MGAT4C: variants seen among roughly 807,000 people sequenced by gnomAD.
MGAT4C encodes alpha-1,3-mannosyl-glycoprotein 4-beta-N-acetylglucosaminyltransferase C.
In MGAT4C, 19 loss-of-function variants were observed where a neutral mutation model predicts 40.1. That is an observed-to-expected ratio of 0.47 (90% confidence interval 0.33 to 0.70). MGAT4C has a LOEUF of 0.70. MGAT4C is among the 30% of genes least tolerant of loss of function. MGAT4C has a pLI of 0.02. For missense variants in MGAT4C, 491 were observed against 563.2 expected, an observed-to-expected ratio of 0.87 and a Z score of 1.30; for synonymous variants, 181 against 187.1, an observed-to-expected ratio of 0.97 and a Z score of 0.27.
intron 1 of MGAT4C, among the ~76,000 whole-genome samples, chr12:86,756,083 C>T (rs561654061): frequency 6.6e-6 from 1 of 151,874 alleles, no homozygotes; most frequent in Non-Finnish European, 1.5e-5. Context: ...GTTTGGGTTG[C>T]CATAACAAAA....
At chr12:86,203,946 A>C (rs557128807) in intron 1 of MGAT4C, among the ~76,000 whole-genome samples, 1 of 148,836 alleles carries the variant, frequency 6.7e-6, no homozygotes, top group African/African-American at 2.5e-5. Flanking sequence ...AACGAGAGCG[A>C]AACTTCGTCT....
chr12:86,104,848 A>C (rs1875849994), intron 1 of MGAT4C, among the ~76,000 whole-genome samples: 1 of 114,110 alleles, frequency 8.8e-6, no homozygotes, highest in Non-Finnish European at 1.7e-5. Flanking sequence ...ATTCAAAATT[A>C]CACGGCAAAC....
chr12:86,829,261 C>T (rs767944942), intron 1 of MGAT4C, among the ~76,000 whole-genome samples: 2 of 151,322 alleles, frequency 1.3e-5, no homozygotes, highest in Non-Finnish European at 3.0e-5. Flanking sequence ...GTTACAAATA[C>T]CATGTAGTTA....
intron 1 of MGAT4C, among the ~76,000 whole-genome samples, chr12:86,068,685 G>C (rs936452050): frequency 2.0e-5 from 3 of 151,790 alleles, no homozygotes; most frequent in African/African-American, 7.3e-5. Context: ...GAAGGCTTGT[G>C]CCAATCTAAT....
chr12:86,610,047 A>C (rs552534945), intron 2 of MGAT4C, among the ~76,000 whole-genome samples: 2 of 152,290 alleles, frequency 1.3e-5, no homozygotes, highest in East Asian at 3.9e-4. Context: ...TTTGCTAAAA[A>C]TTTTTTGAAC....
At chr12:86,481,438 C>A (rs1957935644) in intron 2 of MGAT4C, among the ~76,000 whole-genome samples, 1 of 152,036 alleles carries the variant, frequency 6.6e-6, no homozygotes, top group Non-Finnish European at 1.5e-5. Flanking sequence ...GATTAAGAGA[C>A]ATAAATGTGT....
At chr12:86,838,643 G>A (rs1353068077) in intron 1 of MGAT4C, 1 of 152,160 alleles carries the variant, frequency 6.6e-6, no homozygotes, top group African/African-American at 2.4e-5. Flanking sequence ...AGAGGGTAAT[G>A]AATTGAGAAA....
At chr12:86,599,519 A>T (rs1400248176) in intron 2 of MGAT4C, 1 of 152,194 alleles carries the variant, frequency 6.6e-6, no homozygotes, top group African/African-American at 2.4e-5. Context: ...CTGCAAAACA[A>T]TAGTGCTAAG....
chr12:86,565,149 G>A (rs1244813460), intron 2 of MGAT4C, among the ~76,000 whole-genome samples: 2 of 152,128 alleles, frequency 1.3e-5, no homozygotes, highest in Admixed American at 6.5e-5. Context: ...CATTAAGTGG[G>A]TGCTTTCTGT....
intron 1 of MGAT4C, among the ~76,000 whole-genome samples, chr12:86,798,130 A>G (rs1397855494): frequency 6.6e-6 from 1 of 151,942 alleles, no homozygotes; most frequent in Non-Finnish European, 1.5e-5. Context: ...TGTGAGATTA[A>G]CTGACCAGAT....
At chr12:85,992,750 G>A (rs527481000) in intron 2 of MGAT4C, among the ~76,000 whole-genome samples, 6 of 152,358 alleles carry the variant, frequency 3.9e-5, no homozygotes, top group African/African-American at 9.6e-5. Flanking sequence ...ATGGCCTCAG[G>A]AAGAAAGCTT....
At chr12:86,381,955 G>A (rs1434741797) in intron 3 of MGAT4C, among the ~76,000 whole-genome samples, 1 of 152,176 alleles carries the variant, frequency 6.6e-6, no homozygotes, top group East Asian at 1.9e-4. Flanking sequence ...CCATGGTTGT[G>A]AGGCCTCCCC....
chr12:86,103,289 CA>C (rs1418499342), intron 1 of MGAT4C, among the ~76,000 whole-genome samples: 1 of 152,054 alleles, frequency 6.6e-6, no homozygotes, highest in African/African-American at 2.4e-5. Context: ...TAATGAAATA[CA>C]ATAAAGCAGA....
rs1269162412 is a variant in MGAT4C, at chr12:85,963,119, T to A, written c.*16170A>T. The A allele has an allele frequency of 6.6e-6, 1 of 151,982 alleles. No individual in the cohort carries two copies. The highest frequency in any genetic ancestry group is 2.4e-5 in the African/African-American group (1 of 41,446). 9.4% of individuals were successfully genotyped at this position (151,982 alleles called of 1,614,324 possible). A position where few individuals can be genotyped will look rare whatever the true frequency, so the allele number is the denominator to read the frequency against. ...TGGAAAATAGTTTTGCTTTCTGGTT[T>A]ATAAGGAACTTTTACTAGTTTAATT... is the stretch of plus-strand genomic sequence containing the variant. On this transcript the variant is annotated 3_prime_UTR_variant, in exon 5 of 5. Transcript: ENST00000611864.
At chr12:86,393,009 G>A (rs1956185426) in intron 3 of MGAT4C, among the ~76,000 whole-genome samples, 1 of 152,128 alleles carries the variant, frequency 6.6e-6, no homozygotes, top group Non-Finnish European at 1.5e-5. Flanking sequence ...AGATGTTAAA[G>A]TGTACATACA....
chr12:86,815,828 T>C (rs913345347), intron 1 of MGAT4C, among the ~76,000 whole-genome samples: 2 of 127,756 alleles, frequency 1.6e-5, no homozygotes, highest in African/African-American at 6.0e-5. Context: ...AAGGCAAGAA[T>C]GATACAATGG....
chr12:86,501,433 A>T (rs548764796), intron 2 of MGAT4C, among the ~76,000 whole-genome samples: 1 of 152,070 alleles, frequency 6.6e-6, no homozygotes, highest in African/African-American at 2.4e-5. Context: ...CTATCAACCT[A>T]TCACCTAGGT....
chr12:85,990,469 G>A (rs1306435359), intron 2 of MGAT4C, among the ~76,000 whole-genome samples: 2 of 152,046 alleles, frequency 1.3e-5, no homozygotes, highest in African/African-American at 2.4e-5. Flanking sequence ...ATCTCCTTGG[G>A]TTTATCTTTA....
chr12:86,741,794 A>G (rs1421973256), intron 1 of MGAT4C, among the ~76,000 whole-genome samples: 1 of 151,332 alleles, frequency 6.6e-6, no homozygotes, highest in Non-Finnish European at 1.5e-5. Flanking sequence ...TAATCCTGAG[A>G]TGGTACTTTT....
Sources: allele counts gnomAD v4.1 joint callset (sites outside exome capture counted in the v4.1 genomes callset), GRCh38; gene constraint gnomAD v4.1.1; transcripts MANE v1.5; gene names NCBI Gene and HGNC (gene_info 2026-07-23, HGNC 2026-07-21).